Variants in CFAP77 observed in about 807,000 individuals in gnomAD.
CFAP77 encodes cilia- and flagella-associated protein 77.
CFAP77 carries 25 observed loss-of-function variants against 31.1 expected under a neutral mutation model. The ratio of observed to expected loss-of-function variants is 0.80; its 90% CI spans 0.59 to 1.12. CFAP77 has a LOEUF of 1.12. Among genes scored for constraint, CFAP77 ranks in the 50% most tolerant of loss-of-function variants. The pLI is 0.00. For synonymous variants in CFAP77, 151 were observed against 159.9 expected (o/e 0.94, Z 0.42); for missense variants, 377 against 397.3 (o/e 0.95, Z 0.44).
rs1416461496 is a variant in CFAP77, at chr9:132,490,624, A to T, written c.196-8071A>T. Reference sequence around the variant, plus strand: ...TGGCTCCAGGCCGCTCCCTGCTCTAAGTCCCCTTGGCCCTCTTACCCTCCC... The same window carrying T: ...TGGCTCCAGGCCGCTCCCTGCTCTATGTCCCCTTGGCCCTCTTACCCTCCC... On this transcript the variant is annotated intron_variant, in intron 1 of 5. Transcript: ENST00000393216. This position sits in a 1 kb window ranked among gnomAD's most constrained non-coding sequence, Gnocchi z 4.6. Among the ~76,000 whole-genome samples the T allele has an allele frequency of 6.6e-6, 1 of 152,114 alleles. No homozygotes were observed. The highest frequency in any genetic ancestry group is 1.9e-4 in the East Asian group (1 of 5,182).
At chr9:132,482,321 G>C (rs111583413) in intron 1 of CFAP77, 1 of 1,613,170 alleles carries the variant, frequency 6.2e-7, no homozygotes, top group African/African-American at 1.3e-5. Context: ...CTGCCGGCCC[G>C]GCCTCGGTGG....
chr9:132,436,491 T>A (rs1850506599), intron 1 of CFAP77, among the ~76,000 whole-genome samples: 1 of 152,210 alleles, frequency 6.6e-6, no homozygotes, highest in Non-Finnish European at 1.5e-5. Flanking sequence ...TAGTAGGGTT[T>A]GCAAAAAATT....
intron 1 of CFAP77, among the ~76,000 whole-genome samples, chr9:132,457,133 C>T (rs550049483): frequency 2.0e-5 from 3 of 152,198 alleles, no homozygotes; most frequent in African/African-American, 7.2e-5. Flanking sequence ...CCCCCTAAAC[C>T]GGTCACCCCC....
intron 1 of CFAP77, among the ~76,000 whole-genome samples, chr9:132,468,981 G>A (rs533730120): frequency 6.6e-6 from 1 of 152,178 alleles, no homozygotes; most frequent in South Asian, 2.1e-4. Flanking sequence ...GAGACCTGAA[G>A]AAAGAGAAGA....
chr9:132,555,985 G>A (rs1332387860), intron 5 of CFAP77, among the ~76,000 whole-genome samples: 1 of 151,864 alleles, frequency 6.6e-6, no homozygotes, highest in Non-Finnish European at 1.5e-5. Context: ...TCACACTCAG[G>A]TTCCGCGCAC....
chr9:132,570,819 G>C (rs1174961910), intron 5 of CFAP77, among the ~76,000 whole-genome samples: 6 of 152,304 alleles, frequency 3.9e-5, no homozygotes, highest in Middle Eastern at 3.4e-3. Flanking sequence ...AGTGGCAGCT[G>C]TGACACAATA....
At chr9:132,550,669 C>A (rs192906502) in intron 5 of CFAP77, among the ~76,000 whole-genome samples, 1 of 151,838 alleles carries the variant, frequency 6.6e-6, no homozygotes, top group Non-Finnish European at 1.5e-5. Context: ...GGACTACAGG[C>A]GTGCAGCTAA....
intron 5 of CFAP77, among the ~76,000 whole-genome samples, chr9:132,567,427 G>T (rs1829898385): frequency 6.6e-6 from 1 of 152,176 alleles, no homozygotes; most frequent in African/African-American, 2.4e-5. Context: ...TCTCACCATG[G>T]TTCTCCTTTT....
intron 1 of CFAP77, among the ~76,000 whole-genome samples, chr9:132,421,335 G>A (rs1162223447): frequency 6.6e-6 from 1 of 151,018 alleles, no homozygotes; most frequent in African/African-American, 2.4e-5. Context: ...ATGTGGGGGG[G>A]AACTGAAGAG....
At chr9:132,557,466 C>T (rs769501776) in intron 5 of CFAP77, among the ~76,000 whole-genome samples, 13 of 152,192 alleles carry the variant, frequency 8.5e-5, no homozygotes, top group Non-Finnish European at 1.9e-4. Context: ...GCAGGACAGT[C>T]CCAGCCAGAC....
chr9:132,458,314 A>G (rs1486255552), intron 1 of CFAP77, among the ~76,000 whole-genome samples: 1 of 125,920 alleles, frequency 7.9e-6, no homozygotes, highest in Non-Finnish European at 1.6e-5. Context: ...TTCTTCACCG[A>G]CAGGCCTCTC....
rs1229342874 is a variant in CFAP77, at chr9:132,433,971, T to TAA, written c.195+23522_195+23523dup. On this transcript the variant is annotated intron_variant, in intron 1 of 5. Coordinates refer to ENST00000393216, the MANE Select transcript of CFAP77 (RefSeq NM_001282957.2). Reference sequence around the variant, plus strand: ...GGGCAACATAGGGAGACCCCATGTGTAAAAAAAAAAAAAAAAAATTAGCTG... The same window carrying TAA: ...GGGCAACATAGGGAGACCCCATGTGTAAAAAAAAAAAAAAAAAAAATTAGCTG... Among the ~76,000 whole-genome samples the TAA allele has an allele frequency of 6.8e-4, 88 of 129,910 alleles. 1 individual carries two copies. Among genetic ancestry groups the TAA allele is most frequent in the Admixed American group, 1.2e-3 (15 of 12,620 alleles). 85.2% of individuals were successfully genotyped at this position (129,910 alleles called of 152,430 possible). A position where few individuals can be genotyped will look rare whatever the true frequency, so the allele number is the denominator to read the frequency against.
chr9:132,530,818 G>A (rs11243817), intron 3 of CFAP77, among the ~76,000 whole-genome samples: 12,827 of 152,052 alleles, frequency 0.084, 647 homozygotes, highest in South Asian at 0.13. Context: ...TTATATTTTT[G>A]GTGTTGAGTC....
In CFAP77 at chr9:132,410,227, C is replaced by A. The variant is rs780089720; in HGVS notation, c.-45C>A. On this transcript the variant is annotated 5_prime_UTR_variant, in exon 1 of 6. Coordinates refer to ENST00000393216, the MANE Select transcript of CFAP77 (RefSeq NM_001282957.2). ...CCAGGCTGTGCCCGACGTGGGGAAG[C>A]GCGCCCAAACCAGCCCGCGGGCCGG... 1 of 1,491,364 alleles carries A rather than the reference C, an allele frequency of 6.7e-7. No homozygotes were observed. Among genetic ancestry groups the A allele is most frequent in the Admixed American group, 2.1e-5 (1 of 46,816 alleles). The allele number at this position is 1,491,364 out of a possible 1,614,324, so 92.4% of individuals were successfully genotyped here. A position where few individuals can be genotyped will look rare whatever the true frequency, so the allele number is the denominator to read the frequency against.
chr9:132,438,538 TA>T (rs1178671459), intron 1 of CFAP77, among the ~76,000 whole-genome samples: 60 of 107,298 alleles, frequency 5.6e-4, no homozygotes, highest in East Asian at 1.3e-3. Context: ...TATATATATA[TA>T]TATTTTTTTT....
intron 1 of CFAP77, among the ~76,000 whole-genome samples, chr9:132,435,410 C>G (rs1163347977): frequency 1.3e-5 from 2 of 152,354 alleles, no homozygotes; most frequent in African/African-American, 4.8e-5. Flanking sequence ...CCAGGATGAG[C>G]TATCACCATG....
intron 1 of CFAP77, among the ~76,000 whole-genome samples, chr9:132,411,878 CACACACACACACAT>C (rs931121645): frequency 4.6e-5 from 7 of 152,024 alleles, no homozygotes; most frequent in African/African-American, 1.7e-4. Flanking sequence ...CACACACACA[CACACACACACACAT>C]ACATGCATAT....
chr9:132,496,708 G>A (rs930780024), intron 1 of CFAP77, among the ~76,000 whole-genome samples: 30 of 152,182 alleles, frequency 2.0e-4, no homozygotes, highest in African/African-American at 6.5e-4. Flanking sequence ...AGGCTGCTGT[G>A]GTGCCACCAT....
intron 3 of CFAP77, among the ~76,000 whole-genome samples, chr9:132,504,241 A>T (rs1241451157): frequency 6.6e-6 from 1 of 152,182 alleles, no homozygotes; most frequent in African/African-American, 2.4e-5. Flanking sequence ...TCTGTGTCCT[A>T]CTTCCTTGGA....
Sources: allele counts gnomAD v4.1 joint callset (sites outside exome capture counted in the v4.1 genomes callset), GRCh38; gene constraint gnomAD v4.1.1; non-coding constraint Gnocchi (gnomAD v3.1); transcripts MANE v1.5; gene names NCBI Gene and HGNC (gene_info 2026-07-23, HGNC 2026-07-21).